Variants in SEC31A observed in about 807,000 individuals in gnomAD.
SEC31A encodes the protein SEC31 homolog A, COPII component, also known as protein transport protein Sec31A.
In SEC31A, 70 loss-of-function variants were observed where a neutral mutation model predicts 151.0. That is an observed-to-expected ratio of 0.46 (90% CI 0.38 to 0.57). SEC31A has a LOEUF of 0.57. SEC31A is among the 20% of genes least tolerant of loss of function. The pLI is 0.00. For synonymous variants in SEC31A, 475 were observed against 505.9 expected (o/e 0.94, Z 0.82); for missense variants, 1,330 against 1,471.2 (o/e 0.90, Z 1.57).
At chr4:82,877,049 C>T (rs1227233692) in intron 4 of SEC31A, among the ~76,000 whole-genome samples, 1 of 151,696 alleles carries the variant, frequency 6.6e-6, no homozygotes, top group Non-Finnish European at 1.5e-5. Flanking sequence ...ACCAGCTTGA[C>T]CAACACGAAA....
Position 82,863,408 on chromosome 4 carries a change from C to T in SEC31A, c.1435-16G>A, listed in dbSNP as rs772559425. The T allele has an allele frequency of 3.3e-6, 5 of 1,500,714 alleles. No individual in the cohort carries two copies. Among genetic ancestry groups the T allele is most frequent in the Non-Finnish European group, 2.7e-6 (3 of 1,115,564 alleles). 93.0% of individuals were successfully genotyped at this position (1,500,714 alleles called of 1,614,324 possible). ...CAAAGTTTACCTTTAAAAAAAAAGA[C>T]ATATTCTTAAAACAAAGACCTACAT... On this transcript the variant is annotated splice_polypyrimidine_tract_variant and intron_variant, in intron 11 of 26. Transcript: ENST00000395310.
rs186137748 is a variant in SEC31A, at chr4:82,836,947, C to T, written c.2968+5193G>A. On this transcript the variant is annotated intron_variant, in intron 22 of 26. Coordinates refer to ENST00000395310, the MANE Select transcript of SEC31A (RefSeq NM_001077207.4). ...TGTTTACAACACAAAGAATGACAAACGCTTGAGGTGATGGATACTCCAATA... is the reference window on the plus strand; with the variant it reads ...TGTTTACAACACAAAGAATGACAAATGCTTGAGGTGATGGATACTCCAATA... Among the ~76,000 whole-genome samples the T allele has an allele frequency of 4.0e-5, 6 of 151,566 alleles. No homozygotes were observed. In the East Asian group the frequency reaches 9.8e-4, roughly 25 times the overall value.
chr4:82,891,219 G>GCAGCCA, upstream of SEC31A: 4 of 1,506,734 alleles, frequency 2.7e-6, no homozygotes, highest in Admixed American at 5.9e-5. Flanking sequence ...AGCCGCAGCC[G>GCAGCCA]CAGCCACGCC....
intron 1 of SEC31A, among the ~76,000 whole-genome samples, chr4:82,888,704 A>T (rs979788565): frequency 4.6e-5 from 7 of 151,962 alleles, no homozygotes; most frequent in African/African-American, 1.2e-4. Context: ...AAAATAAAAA[A>T]AAAAAAAAAT....
rs547561978 is a variant in SEC31A at position 82,856,254 on chromosome 4, G to A, written c.1881+698C>T. On this transcript the variant is annotated intron_variant, in intron 16 of 26. Transcript: ENST00000395310. ...CATCCTCTGCCTCCAAGGTTCAAGC[G>A]ATTCTCCTGCTTCAGCCTCCCTAGT... is the stretch of plus-strand genomic sequence containing the variant. Among the ~76,000 whole-genome samples, 5 of 151,890 alleles carry A rather than the reference G, an allele frequency of 3.3e-5. No individual in the cohort carries two copies. In the South Asian group the frequency reaches 6.2e-4, roughly 19 times the overall value.
At chr4:82,890,803 G>A in intron 1 of SEC31A, 1 of 1,292,588 alleles carries the variant, frequency 7.7e-7, no homozygotes, top group Non-Finnish European at 9.8e-7. Context: ...CCAGTTACCA[G>A]CCCGGCTACT....
chr4:82,871,397 T>G, intron 7 of SEC31A: 2 of 1,523,678 alleles, frequency 1.3e-6, no homozygotes, highest in African/African-American at 1.4e-5. Context: ...CTAACTGCAG[T>G]AAGTCGTTAC....
chr4:82,822,701 C>T (rs545302533), intron 25 of SEC31A, among the ~76,000 whole-genome samples: 1 of 152,086 alleles, frequency 6.6e-6, no homozygotes, highest in South Asian at 2.1e-4. Flanking sequence ...TGGCCAGGTG[C>T]GGTGGCTCAT....
intron 16 of SEC31A, 124 bp downstream of exon 16, chr4:82,856,828 G>C (rs937264654): frequency 1.3e-6 from 1 of 793,340 alleles, no homozygotes; most frequent in African/African-American, 1.8e-5. Context: ...CCAGGTCAAG[G>C]AATTATGAAT....
At chr4:82,858,000 G>A (rs946900162) in intron 14 of SEC31A, 1 of 341,232 alleles carries the variant, frequency 2.9e-6, no homozygotes. Flanking sequence ...TAAACAGGCT[G>A]GGCACAGTGG....
chr4:82,854,812 A>G (rs915972065), intron 17 of SEC31A, 91 bp downstream of exon 17: 2 of 1,294,966 alleles, frequency 1.5e-6, no homozygotes, highest in South Asian at 4.3e-5. Flanking sequence ...TAGATTTTAA[A>G]AAGTTTCTAA....
At chr4:82,900,497 A>G in exon 1 of SEC31A, 1 of 412,700 alleles carries the variant, frequency 2.4e-6, no homozygotes, top group South Asian at 3.4e-5. Context: ...GGGTGAAAAC[A>G]GAAGGAAAAT....
chr4:82,858,542 C>CAAAAAA (rs201988682), intron 14 of SEC31A, among the ~76,000 whole-genome samples: 4 of 62,952 alleles, frequency 6.4e-5, no homozygotes, highest in African/African-American at 1.3e-4. Flanking sequence ...GACTCTGTCT[C>CAAAAAA]AAAAAAAAAA....
Position 82,862,533 on chromosome 4 carries a change from C to T in SEC31A, c.1548+1G>A, listed in dbSNP as rs763210198. On this transcript the variant is annotated splice_donor_variant, in intron 13 of 26. Transcript: ENST00000395310. LOFTEE classifies it high-confidence loss of function. ...GTAGCTATTTTTAAAGGCCTTCTTACCACATTGGCTCCATCCACTTTGTTC... is the reference window on the plus strand; with the variant it reads ...GTAGCTATTTTTAAAGGCCTTCTTATCACATTGGCTCCATCCACTTTGTTC... The T allele has an allele frequency of 6.2e-6, 10 of 1,612,944 alleles. No individual in the cohort carries two copies. Among genetic ancestry groups the T allele is most frequent in the Non-Finnish European group, 8.5e-6 (10 of 1,179,094 alleles).
At chr4:82,864,338 T>C (rs752970776) in intron 11 of SEC31A, 24 bp downstream of exon 11, 2 of 1,483,010 alleles carry the variant, frequency 1.3e-6, no homozygotes, top group East Asian at 2.3e-5. Context: ...AATGAAATAA[T>C]ATAGCTTTAA....
chr4:82,876,488 A>G (rs939781465), intron 4 of SEC31A, among the ~76,000 whole-genome samples: 11 of 152,366 alleles, frequency 7.2e-5, no homozygotes, highest in Non-Finnish European at 1.3e-4. Flanking sequence ...AGATTTAATT[A>G]TAAGATTAAA....
chr4:82,823,082 A>G (rs887795053), intron 25 of SEC31A, among the ~76,000 whole-genome samples: 2 of 152,174 alleles, frequency 1.3e-5, no homozygotes, highest in Admixed American at 6.5e-5. Context: ...TTCCCCAACT[A>G]ATTACAGAAA....
At chr4:82,874,909 A>C (rs1737564743) in intron 5 of SEC31A, among the ~76,000 whole-genome samples, 158 bp from the exon 6 acceptor site, 1 of 152,214 alleles carries the variant, frequency 6.6e-6, no homozygotes, top group African/African-American at 2.4e-5. Flanking sequence ...CTACATTCTC[A>C]ACACATAAAA....
chr4:82,891,290 C>A (rs1471010782), upstream of SEC31A: 2 of 1,056,698 alleles, frequency 1.9e-6, no homozygotes, highest in African/African-American at 1.6e-5. Context: ...CAGCCCGCCA[C>A]GGCACTTCCG....
Sources: gnomAD v4.1 joint callset for allele counts (sites outside exome capture counted in the v4.1 genomes callset) on GRCh38, gnomAD v4.1.1 for gene constraint, MANE v1.5 for transcripts, NCBI Gene and HGNC (gene_info 2026-07-23, HGNC 2026-07-21) for gene names.